ZNF536: variants seen among roughly 807,000 people sequenced by gnomAD.
ZNF536 encodes zinc finger protein 536.
ZNF536 carries 13 observed loss-of-function variants against 84.5 expected under a neutral mutation model. The observed-to-expected ratio is 0.15, with a 90% CI of 0.10 to 0.24. The LOEUF is 0.24. Ranked by LOEUF, ZNF536 falls within the 10% of genes least tolerant of loss-of-function variation. ZNF536 has a pLI of 1.00. For synonymous variants in ZNF536, 811 were observed against 742.5 expected (o/e 1.09, Z -1.50); for missense variants, 1,536 against 1,747.5 (o/e 0.88, Z 2.16).
chr19:30,667,624 G>GTTTTTTTTTTTT, intron 1 of ZNF536, among the ~76,000 whole-genome samples: 1 of 77,150 alleles, frequency 1.3e-5, no homozygotes, highest in African/African-American at 6.1e-5. Context: ...GTTTTTTCTA[G>GTTTTTTTTTTTT]CTTTTTTTTT....
chr19:30,335,026 G>A (rs1269797990), intron 2 of ZNF536, among the ~76,000 whole-genome samples: 1 of 152,260 alleles, frequency 6.6e-6, no homozygotes, highest in South Asian at 2.1e-4. Flanking sequence ...AACAAGACAC[G>A]GACTGTCAGT....
At chr19:30,473,036 A>C (rs1402139776) in intron 2 of ZNF536, among the ~76,000 whole-genome samples, 1 of 106,018 alleles carries the variant, frequency 9.4e-6, no homozygotes, top group Non-Finnish European at 1.8e-5. Flanking sequence ...TACTAAGAAT[A>C]CAAAAAAAAA....
chr19:30,465,588 T>G (rs1441210514), intron 2 of ZNF536, among the ~76,000 whole-genome samples: 1 of 152,168 alleles, frequency 6.6e-6, no homozygotes, highest in East Asian at 1.9e-4. Context: ...TTTTAAAATG[T>G]GTGGTAAAAT....
At chr19:30,667,414 G>C (rs1038462440) in intron 1 of ZNF536, among the ~76,000 whole-genome samples, 2 of 152,140 alleles carry the variant, frequency 1.3e-5, no homozygotes, top group Non-Finnish European at 2.9e-5. Flanking sequence ...CACGCTATCA[G>C]CCTCTCCCTC....
In ZNF536 at chr19:30,444,941, T is replaced by A. The variant is rs769482015; in HGVS notation, c.1379T>A (p.Met460Lys). Residue 460 changes from methionine (M) to lysine (K), a missense_variant, in exon 2 of 5, where the codon ATG becomes AAG. By Grantham distance (95) the Met-to-Lys change is moderately conservative (BLOSUM62 -1). This residue lies in a region of ZNF536 where 366 missense variants were observed against 364.4 expected (regional missense o/e 1.00). Coordinates refer to ENST00000355537, the MANE Select transcript of ZNF536 (RefSeq NM_014717.3). ...CTCTATGGCAAGGGCGAGCTGCCCA[T>A]GAAGGAGAAGGAAGCGCTGGGGAAG... Reference protein sequence around the residue: ...SQLYGKGELPMKEKEALGKLL... With the variant: ...SQLYGKGELPKKEKEALGKLL... The A allele has an allele frequency of 1.4e-5, 23 of 1,611,492 alleles. No homozygotes were observed. Among genetic ancestry groups the A allele is most frequent in the East Asian group, 2.2e-5 (1 of 44,832 alleles).
rs1230501868 is a variant in ZNF536, at chr19:30,251,316, G to T, written c.-190+22643G>T. On this transcript the variant is annotated intron_variant, in intron 1 of 5. Transcript: ENST00000585628. Reference sequence around the variant, plus strand: ...GACAATGATGAAATGATGGTTCACAGGTGGAACCTGAGATGCACTCTCAAT... The same window carrying T: ...GACAATGATGAAATGATGGTTCACATGTGGAACCTGAGATGCACTCTCAAT... 2.0e-5 allele frequency among the ~76,000 whole-genome samples: 3 copies of T among 152,320 alleles called. No homozygotes were observed. The East Asian group carries it at 5.8e-4, about 29-fold the overall frequency.
intron 2 of ZNF536, among the ~76,000 whole-genome samples, chr19:30,456,308 CTTTTTTTT>C (rs11301441): frequency 1.1e-4 from 12 of 108,090 alleles, no homozygotes; most frequent in Non-Finnish European, 2.3e-4. Flanking sequence ...TGTTTCTTTT[CTTTTTTTT>C]TTTTTTTTTT....
intron 1 of ZNF536, among the ~76,000 whole-genome samples, chr19:30,594,587 C>A (rs563815426): frequency 6.6e-6 from 1 of 152,280 alleles, no homozygotes; most frequent in East Asian, 1.9e-4. Context: ...GCTGCCTTGA[C>A]CAGATCATTA....
At chr19:30,649,841 C>T (rs533058255) in intron 1 of ZNF536, among the ~76,000 whole-genome samples, 70 of 151,778 alleles carry the variant, frequency 4.6e-4, no homozygotes, top group Non-Finnish European at 2.1e-4. Context: ...TCCTGTCTGA[C>T]GTTTTAATTG....
At chr19:30,278,330 A>G (rs1487788938) in intron 1 of ZNF536, among the ~76,000 whole-genome samples, 3 of 152,156 alleles carry the variant, frequency 2.0e-5, no homozygotes, top group Non-Finnish European at 4.4e-5. Flanking sequence ...GGCATGGACC[A>G]TAGGGGTTGC....
At chr19:30,291,517 C>G (rs566141365) in intron 2 of ZNF536, among the ~76,000 whole-genome samples, 1 of 152,128 alleles carries the variant, frequency 6.6e-6, no homozygotes, top group Admixed American at 6.5e-5. Flanking sequence ...TATCCTTCAC[C>G]CACTTTTTGA....
chr19:30,373,278 T>C (rs2048682487), intron 1 of ZNF536, among the ~76,000 whole-genome samples: 1 of 152,146 alleles, frequency 6.6e-6, no homozygotes, highest in African/African-American at 2.4e-5. Flanking sequence ...TTGTCCAGCC[T>C]GGAGGTCTTC....
chr19:30,613,258 C>T (rs551522284), intron 1 of ZNF536, among the ~76,000 whole-genome samples: 3 of 152,246 alleles, frequency 2.0e-5, no homozygotes, highest in South Asian at 2.1e-4. Flanking sequence ...GAAAAAGCAT[C>T]GTGTGGGCAG....
intron 2 of ZNF536, among the ~76,000 whole-genome samples, chr19:30,342,440 A>T (rs2047595269): frequency 6.6e-6 from 1 of 152,082 alleles, no homozygotes. Flanking sequence ...GGGGTTGTGG[A>T]CTCTGCTATG....
At chr19:30,370,043 G>A (rs1199602725), upstream of ZNF536, among the ~76,000 whole-genome samples, 3 of 152,136 alleles carry the variant, frequency 2.0e-5, no homozygotes, top group Admixed American at 1.3e-4. Context: ...TTGGTTATAC[G>A]CAGTTTGGGA....
At chr19:30,465,515 C>T (rs1027760870) in intron 2 of ZNF536, among the ~76,000 whole-genome samples, 1 of 152,138 alleles carries the variant, frequency 6.6e-6, no homozygotes, top group African/African-American at 2.4e-5. Flanking sequence ...AGGGTTGGTC[C>T]CTTATCACAT....
chr19:30,502,483 A>G (rs533912698), intron 2 of ZNF536, among the ~76,000 whole-genome samples: 11 of 152,216 alleles, frequency 7.2e-5, no homozygotes, highest in African/African-American at 2.2e-4. Context: ...GTCCAGGACA[A>G]GTCCACTGAG....
At chr19:30,566,856 T>G (rs1458143370) in intron 1 of ZNF536, among the ~76,000 whole-genome samples, 2 of 150,900 alleles carry the variant, frequency 1.3e-5, no homozygotes, top group African/African-American at 2.5e-5. Flanking sequence ...GCATGTGGCC[T>G]CTTTGGGTAG....
intron 1 of ZNF536, among the ~76,000 whole-genome samples, chr19:30,577,751 C>T (rs2046790214): frequency 6.6e-6 from 1 of 152,148 alleles, no homozygotes; most frequent in African/African-American, 2.4e-5. Flanking sequence ...ACAAAGTGAC[C>T]TTTGAATCGC....
Sources: gnomAD v4.1 joint callset for allele counts (sites outside exome capture counted in the v4.1 genomes callset) on GRCh38, gnomAD v4.1.1 for gene constraint, gnomAD v4.1.1 regional missense constraint, MANE v1.5 for transcripts, NCBI Gene and HGNC (gene_info 2026-07-23, HGNC 2026-07-21) for gene names.